Variants in CCDC102B observed in about 807,000 individuals in gnomAD.
CCDC102B encodes the protein coiled-coil domain-containing protein 102B.
A neutral mutation model predicts 57.4 loss-of-function variants in CCDC102B; 75 were observed. That is an observed-to-expected ratio of 1.31 (90% CI 1.08 to 1.58). CCDC102B has a LOEUF of 1.58. CCDC102B is among the 40% of genes most tolerant of loss of function. The pLI is 0.00. For synonymous variants in CCDC102B, 206 were observed against 201.9 expected, an observed-to-expected ratio of 1.02 and a Z score of -0.17; for missense variants, 636 against 582.6, an observed-to-expected ratio of 1.09 and a Z score of -0.94.
At chr18:68,915,041 T>C (rs540001304) in intron 6 of CCDC102B, among the ~76,000 whole-genome samples, 4 of 150,310 alleles carry the variant, frequency 2.7e-5, no homozygotes, top group Admixed American at 6.6e-5. Context: ...AGGGCAGCGA[T>C]TGAGATAAAT....
intron 6 of CCDC102B, among the ~76,000 whole-genome samples, chr18:68,963,356 G>T (rs978711133): frequency 6.6e-5 from 10 of 151,862 alleles, no homozygotes; most frequent in Non-Finnish European, 1.3e-4. Flanking sequence ...TTTAAAGTTA[G>T]TAAGAAAAAG....
At chr18:68,827,215 T>A (rs965858944) in intron 1 of CCDC102B, among the ~76,000 whole-genome samples, 8 of 152,058 alleles carry the variant, frequency 5.3e-5, no homozygotes, top group African/African-American at 1.9e-4. Flanking sequence ...AAAAGAATCC[T>A]GTAGCATCAA....
At chr18:68,778,672 A>G (rs966599460) in intron 2 of CCDC102B, among the ~76,000 whole-genome samples, 6 of 152,102 alleles carry the variant, frequency 3.9e-5, no homozygotes, top group Admixed American at 2.6e-4. Flanking sequence ...GATTGAATAA[A>G]TCATATGCTT....
At chr18:68,833,013 G>T (rs1310904800) in intron 1 of CCDC102B, among the ~76,000 whole-genome samples, 4 of 152,180 alleles carry the variant, frequency 2.6e-5, no homozygotes, top group Non-Finnish European at 2.9e-5. Flanking sequence ...ACTAATTGTT[G>T]TGTAATTTAA....
intron 6 of CCDC102B, among the ~76,000 whole-genome samples, chr18:68,925,977 T>C (rs1329923513): frequency 3.3e-5 from 5 of 151,956 alleles, no homozygotes; most frequent in Non-Finnish European, 7.4e-5. Flanking sequence ...TCAAGACAAA[T>C]ATTCTGATCA....
rs150755471 is a variant in CCDC102B, at chr18:68,925,934, TCTTA to T, written c.1263+28510_1263+28513del. The stretch of plus-strand genomic sequence containing the variant: ...TTTTAAAGAAAACAATAAAACAACC[TCTTA>T]CTTGACACTTTTGTTTTTTATAAAC... On this transcript the variant is annotated intron_variant, in intron 6 of 7. Coordinates refer to ENST00000360242, the MANE Select transcript of CCDC102B (RefSeq NM_024781.3). Among the ~76,000 whole-genome samples the T allele has an allele frequency of 5.4e-3, 823 of 152,046 alleles. 11 individuals carry two copies. Among genetic ancestry groups the T allele is most frequent in the African/African-American group, 0.019 (791 of 41,506 alleles).
chr18:68,769,924 T>G (rs193219758), intron 2 of CCDC102B, among the ~76,000 whole-genome samples: 167 of 152,290 alleles, frequency 1.1e-3, no homozygotes, highest in African/African-American at 3.9e-3. Flanking sequence ...ATATTTGCAT[T>G]GAATATATTA....
chr18:68,987,094 A>G (rs915776648), intron 6 of CCDC102B, among the ~76,000 whole-genome samples: 2 of 152,210 alleles, frequency 1.3e-5, no homozygotes, highest in Non-Finnish European at 2.9e-5. Flanking sequence ...TGGAACCAAA[A>G]AAGAGCCTAA....
intron 1 of CCDC102B, among the ~76,000 whole-genome samples, chr18:68,715,875 A>C (rs1388517289): frequency 6.6e-6 from 1 of 152,240 alleles, no homozygotes; most frequent in Admixed American, 6.5e-5. Flanking sequence ...TTTAGATCAA[A>C]CCAAATTTTG....
At chr18:68,893,147 T>C (rs1001049238) in intron 5 of CCDC102B, among the ~76,000 whole-genome samples, 2 of 152,236 alleles carry the variant, frequency 1.3e-5, no homozygotes, top group Non-Finnish European at 2.9e-5. Flanking sequence ...TGTTTTCTTC[T>C]TTAGGAAATA....
chr18:69,016,397 T>C (rs17080077), intron 7 of CCDC102B, among the ~76,000 whole-genome samples: 16,276 of 152,118 alleles, frequency 0.11, 1,380 homozygotes, highest in East Asian at 0.35. Flanking sequence ...GACACTTGAC[T>C]CTCTACGCTA....
intron 7 of CCDC102B, among the ~76,000 whole-genome samples, chr18:69,023,031 C>G (rs1424865262): frequency 6.6e-6 from 1 of 151,580 alleles, no homozygotes; most frequent in African/African-American, 2.4e-5. Flanking sequence ...AAAATAATGT[C>G]TTTCTGATCG....
At position 68,762,419 on chromosome 18, in the gene CCDC102B, T is replaced by C. The variant is rs193132749; in HGVS notation, c.-67+45825T>C. Among the ~76,000 whole-genome samples, 433 of 152,240 alleles carry C rather than the reference T, an allele frequency of 2.8e-3. 1 individual carries two copies. Among genetic ancestry groups the C allele is most frequent in the African/African-American group, 1.0e-2 (415 of 41,564 alleles). On this transcript the variant is annotated intron_variant, in intron 2 of 3. Coordinates refer to the CCDC102B transcript ENST00000578970. ...TGTTTTTTGTTTTTGGTTTTTTTTCTGTCCATTATCTCCACACTGAATACA... is the reference window on the plus strand; with the variant it reads ...TGTTTTTTGTTTTTGGTTTTTTTTCCGTCCATTATCTCCACACTGAATACA...
At position 69,004,584 on chromosome 18, in the gene CCDC102B, C is replaced by A. The variant is rs145733183; in HGVS notation, c.1264-6350C>A. Among the ~76,000 whole-genome samples, 436 of 152,170 alleles carry A rather than the reference C, an allele frequency of 2.9e-3. 1 individual carries two copies. The highest frequency in any genetic ancestry group is 9.8e-3 in the African/African-American group (406 of 41,492). Reference sequence around the variant, plus strand: ...CTCAGAGGCACAGGGCAGAAACTTCCTGTCACTTGATTTTTCCTGCTTTTC... The same window carrying A: ...CTCAGAGGCACAGGGCAGAAACTTCATGTCACTTGATTTTTCCTGCTTTTC... On this transcript the variant is annotated intron_variant, in intron 6 of 7. Transcript: ENST00000360242.
At chr18:68,932,647 A>C (rs565983464) in intron 6 of CCDC102B, among the ~76,000 whole-genome samples, 1 of 152,048 alleles carries the variant, frequency 6.6e-6, no homozygotes, top group Admixed American at 6.6e-5. Context: ...TTAGTTTGAG[A>C]TTATATTTGA....
chr18:68,838,748 A>G lies in CCDC102B; in HGVS notation c.649A>G (p.Met217Val), dbSNP rs1470645642. Reference protein sequence around the residue: ...VIDSLKLSEEMKPNLDGVDLF... With the variant: ...VIDSLKLSEEVKPNLDGVDLF... ...TGATTCTCTAAAATTAAGTGAGGAG[A>G]TGAAGCCCAATCTAGATGGTGTTGA... The change falls in exon 3 of 8, where the codon ATG (methionine) becomes GTG (valine). Residue 217 changes from methionine (M) to valine (V), a missense_variant. Coordinates refer to ENST00000360242, the MANE Select transcript of CCDC102B (RefSeq NM_024781.3). 2 of 1,613,976 alleles carry G rather than the reference A, an allele frequency of 1.2e-6. No individual in the cohort carries two copies. Among genetic ancestry groups the G allele is most frequent in the Non-Finnish European group, 8.5e-7 (1 of 1,179,930 alleles).
intron 5 of CCDC102B, among the ~76,000 whole-genome samples, chr18:68,888,777 A>G (rs1379605443): frequency 6.6e-6 from 1 of 152,212 alleles, no homozygotes; most frequent in Non-Finnish European, 1.5e-5. Flanking sequence ...CATGCTAAAT[A>G]TGATCACTTG....
intron 6 of CCDC102B, among the ~76,000 whole-genome samples, chr18:68,933,297 C>T (rs11876601): frequency 0.26 from 39,114 of 151,636 alleles, 6,477 homozygotes; most frequent in East Asian, 0.61. Context: ...AAAGAAAATG[C>T]CCATGTTTCT....
intron 2 of CCDC102B, among the ~76,000 whole-genome samples, chr18:68,750,259 G>A (rs2033794154): frequency 1.3e-5 from 2 of 152,152 alleles, no homozygotes. Context: ...TCTCACACCA[G>A]TTAGAATGGC....
Sources: gnomAD v4.1 joint callset for allele counts (sites outside exome capture counted in the v4.1 genomes callset) on GRCh38, gnomAD v4.1.1 for gene constraint, MANE v1.5 for transcripts, NCBI Gene and HGNC (gene_info 2026-07-23, HGNC 2026-07-21) for gene names.